KPNA5: variants seen among roughly 807,000 people sequenced by gnomAD.
KPNA5 encodes the protein importin subunit alpha-6.
A neutral mutation model predicts 71.3 loss-of-function variants in KPNA5; 46 were observed. The ratio of observed to expected loss-of-function variants is 0.65; its 90% CI spans 0.51 to 0.83. The LOEUF (loss-of-function observed/expected upper bound fraction) is 0.83, where lower values mean the gene tolerates loss of function less well. Ranked by LOEUF, KPNA5 falls within the 40% of genes least tolerant of loss-of-function variation. KPNA5 has a pLI of 0.00. For synonymous variants in KPNA5, 207 were observed against 201.4 expected (o/e 1.03, Z -0.24); for missense variants, 547 against 628.3 (o/e 0.87, Z 1.38).
At chr6:116,725,062 A>G (rs1168567387) in intron 10 of KPNA5, among the ~76,000 whole-genome samples, 4 of 152,222 alleles carry the variant, frequency 2.6e-5, no homozygotes. Flanking sequence ...AATCATAGTT[A>G]TTAAATAGTT....
At chr6:116,718,558 T>G (rs999039807) in intron 8 of KPNA5, among the ~76,000 whole-genome samples, 3 of 151,808 alleles carry the variant, frequency 2.0e-5, no homozygotes, top group Non-Finnish European at 4.4e-5. Context: ...CCACCATGCC[T>G]GGCCCTTATT....
chr6:116,702,799 T>C (rs1778279662), intron 6 of KPNA5, among the ~76,000 whole-genome samples: 2 of 152,258 alleles, frequency 1.3e-5, no homozygotes, highest in African/African-American at 4.8e-5. Flanking sequence ...ATTTTGTTGT[T>C]TGTTTTAAGA....
chr6:116,692,849 A>G (rs901563113), intron 4 of KPNA5, among the ~76,000 whole-genome samples: 2 of 152,092 alleles, frequency 1.3e-5, no homozygotes, highest in African/African-American at 2.4e-5. Context: ...CTCGTCATTT[A>G]ACATTAGTTA....
intron 7 of KPNA5, among the ~76,000 whole-genome samples, chr6:116,711,291 T>C (rs1404984187): frequency 6.6e-6 from 1 of 151,832 alleles, no homozygotes; most frequent in African/African-American, 2.4e-5. Flanking sequence ...ACTGCCTTTT[T>C]GTTTAGTTGA....
chr6:116,700,018 C>A (rs1778169954), intron 5 of KPNA5, among the ~76,000 whole-genome samples: 1 of 152,170 alleles, frequency 6.6e-6, no homozygotes. Flanking sequence ...ACTCTGGGGA[C>A]ACAGAACATA....
In KPNA5 at chr6:116,732,554, T is replaced by A; in HGVS notation, c.*231T>A. On this transcript the variant is annotated 3_prime_UTR_variant, in exon 14 of 14. Transcript: ENST00000368564. The stretch of plus-strand genomic sequence containing the variant: ...GTATTTATATCTTCTATTGTTTGGA[T>A]TTTTGTATCTATTTGTGAATAATTG... 1 of 228,170 alleles carries A rather than the reference T, an allele frequency of 4.4e-6. No homozygotes were observed. The allele number at this position is 228,170 out of a possible 1,614,324, so 14.1% of individuals were successfully genotyped here.
chr6:116,694,487 C>A (rs868261076), intron 4 of KPNA5, among the ~76,000 whole-genome samples: 8 of 151,972 alleles, frequency 5.3e-5, no homozygotes, highest in Non-Finnish European at 8.8e-5. Flanking sequence ...GTATTTTATT[C>A]TCTTTGAAGC....
Position 116,741,013 on chromosome 6 carries a change from C to G in KPNA5, c.*8690C>G, listed in dbSNP as rs1413087929. The G allele has an allele frequency of 6.7e-6, 1 of 148,598 alleles. No homozygotes were observed. The highest frequency in any genetic ancestry group is 1.5e-5 in the Non-Finnish European group (1 of 67,264). The allele number at this position is 148,598 out of a possible 1,614,324, so 9.2% of individuals were successfully genotyped here. ...GTATAATAAAAAAAAAAGAAATGTA[C>G]TTTTAAATTTCAGACCTTAAAAATA... On this transcript the variant is annotated 3_prime_UTR_variant, in exon 14 of 14. Coordinates refer to ENST00000368564, the MANE Select transcript of KPNA5 (RefSeq NM_001366306.2).
chr6:116,737,587 G>A lies in KPNA5; in HGVS notation c.*5264G>A, dbSNP rs377658296. On this transcript the variant is annotated 3_prime_UTR_variant, in exon 14 of 14. Transcript: ENST00000368564. Reference sequence around the variant, plus strand: ...GAAACTCTAGGCAGTAAGAGACAGAGCAGTCATAGGGCTCAACTAGTTTGT... The same window carrying A: ...GAAACTCTAGGCAGTAAGAGACAGAACAGTCATAGGGCTCAACTAGTTTGT... 1 of 152,078 alleles carries A rather than the reference G, an allele frequency of 6.6e-6. No individual in the cohort carries two copies. The highest frequency in any genetic ancestry group is 2.1e-4 in the South Asian group (1 of 4,822). The allele number at this position is 152,078 out of a possible 1,614,324, so 9.4% of individuals were successfully genotyped here. A position where few individuals can be genotyped will look rare whatever the true frequency, so the allele number is the denominator to read the frequency against.
chr6:116,701,778 A>T (rs1271438085), intron 5 of KPNA5, among the ~76,000 whole-genome samples: 2 of 152,156 alleles, frequency 1.3e-5, no homozygotes, highest in Non-Finnish European at 2.9e-5. Context: ...TATTTTCATT[A>T]TATTTTTCTC....
chr6:116,690,014 C>CA (rs1431606430), intron 2 of KPNA5, among the ~76,000 whole-genome samples: 4 of 152,122 alleles, frequency 2.6e-5, no homozygotes, highest in Non-Finnish European at 5.9e-5. Context: ...ATGTGGTTCT[C>CA]ACACATGTGA....
chr6:116,690,560 G>A (rs546230346), intron 2 of KPNA5, among the ~76,000 whole-genome samples: 5 of 150,802 alleles, frequency 3.3e-5, no homozygotes, highest in Non-Finnish European at 4.4e-5. Flanking sequence ...GGAGAATGGC[G>A]TGAATTCGGG....
intron 1 of KPNA5, chr6:116,681,552 G>A: frequency 7.5e-7 from 1 of 1,335,894 alleles, no homozygotes; most frequent in Non-Finnish European, 9.6e-7. Context: ...GCGAAGGCGT[G>A]GTGAGTTCAG....
Position 116,723,724 on chromosome 6 carries a change from C to T in KPNA5, c.921-573C>T, listed in dbSNP as rs549759010. 7.2e-5 allele frequency among the ~76,000 whole-genome samples: 11 copies of T among 152,034 alleles called. No individual in the cohort carries two copies. The South Asian group carries it at 1.9e-3, about 26-fold the overall frequency. On this transcript the variant is annotated intron_variant, in intron 9 of 13. Coordinates refer to ENST00000368564, the MANE Select transcript of KPNA5 (RefSeq NM_001366306.2). ...TCACTGGTAATAATACTAATAATTACCAATACTTCAGATAATAAGCATCAA... is the reference window on the plus strand; with the variant it reads ...TCACTGGTAATAATACTAATAATTATCAATACTTCAGATAATAAGCATCAA...
At position 116,681,667 on chromosome 6, in the gene KPNA5, G is replaced by A. The variant is rs184191718; in HGVS notation, c.4+329G>A. On this transcript the variant is annotated intron_variant, in intron 1 of 13. Transcript: ENST00000368564. ...TTTTCAGTTAATGGAATTGCCAAAC[G>A]TTGCCACTCATACCTGGTACCCATC... 6.1e-6 allele frequency: 3 copies of A among 491,046 alleles called. No homozygotes were observed. The Admixed American group carries it at 1.6e-4, about 26-fold the overall frequency. The allele number at this position is 491,046 out of a possible 1,614,324, so 30.4% of individuals were successfully genotyped here.
intron 8 of KPNA5, among the ~76,000 whole-genome samples, chr6:116,718,172 A>G (rs2114473261): frequency 6.6e-6 from 1 of 152,102 alleles, no homozygotes; most frequent in South Asian, 2.1e-4. Flanking sequence ...TCACCCCATG[A>G]GTATACCTGA....
At chr6:116,686,290 T>C (rs1436042333) in intron 1 of KPNA5, among the ~76,000 whole-genome samples, 1 of 152,074 alleles carries the variant, frequency 6.6e-6, no homozygotes, top group Non-Finnish European at 1.5e-5. Context: ...GATTTGCATT[T>C]CTCTAATGAT....
intron 11 of KPNA5, 55 bp downstream of exon 11, chr6:116,725,931 G>T (rs1180109624): frequency 2.6e-6 from 4 of 1,546,020 alleles, no homozygotes; most frequent in Non-Finnish European, 3.5e-6. Flanking sequence ...AGCCAGTTTG[G>T]ACAAAAGTTA....
intron 9 of KPNA5, 95 bp downstream of exon 9, chr6:116,722,384 C>A: frequency 1.0e-6 from 1 of 1,002,294 alleles, no homozygotes; most frequent in Non-Finnish European, 1.4e-6. Flanking sequence ...GAGTCACTGT[C>A]TTCAGGGAAA....
Sources: allele counts gnomAD v4.1 joint callset (sites outside exome capture counted in the v4.1 genomes callset), GRCh38; gene constraint gnomAD v4.1.1; transcripts MANE v1.5; gene names NCBI Gene and HGNC (gene_info 2026-07-23, HGNC 2026-07-21).